DGKB: variants seen among roughly 807,000 people sequenced by gnomAD.
The protein encoded by DGKB is diacylglycerol kinase beta.
DGKB carries 67 observed loss-of-function variants against 114.3 expected under a neutral mutation model. The ratio of observed to expected loss-of-function variants is 0.59; its 90% CI spans 0.48 to 0.72. The LOEUF is 0.72. Ranked by LOEUF, DGKB falls within the 30% of genes least tolerant of loss-of-function variation. DGKB has a pLI of 0.00. For synonymous variants in DGKB, 398 were observed against 323.1 expected (o/e 1.23, Z -2.49); for missense variants, 907 against 975.2 (o/e 0.93, Z 0.93).
chr7:14,895,931 T>C (rs1477168433), intron 1 of DGKB, among the ~76,000 whole-genome samples: 1 of 151,758 alleles, frequency 6.6e-6, no homozygotes, highest in Non-Finnish European at 1.5e-5. Context: ...CTTCCTTATA[T>C]TTTCTGTCTC....
At chr7:14,915,434 G>C (rs1784197743) in intron 1 of DGKB, among the ~76,000 whole-genome samples, 2 of 152,092 alleles carry the variant, frequency 1.3e-5, no homozygotes, top group Admixed American at 6.6e-5. Flanking sequence ...TATAACAGCT[G>C]TCTTCCAAAA....
intron 21 of DGKB, among the ~76,000 whole-genome samples, chr7:14,402,925 C>A (rs1349944976): frequency 1.3e-5 from 2 of 151,910 alleles, no homozygotes; most frequent in Non-Finnish European, 2.9e-5. Flanking sequence ...CTATGCACTG[C>A]AACATCAATT....
chr7:14,808,534 TAAG>T (rs1484217875), intron 2 of DGKB, among the ~76,000 whole-genome samples: 2 of 152,070 alleles, frequency 1.3e-5, no homozygotes, highest in African/African-American at 4.8e-5. Flanking sequence ...AAGGATAGAA[TAAG>T]GACACTGAAC....
chr7:14,437,102 T>C (rs1829393461), intron 21 of DGKB, among the ~76,000 whole-genome samples: 1 of 152,096 alleles, frequency 6.6e-6, no homozygotes, highest in Admixed American at 6.6e-5. Context: ...TAAATTTTAT[T>C]TTTGGAACAC....
intron 3 of DGKB, among the ~76,000 whole-genome samples, chr7:14,756,067 A>G (rs1834823018): frequency 6.6e-6 from 1 of 152,044 alleles, no homozygotes; most frequent in Non-Finnish European, 1.5e-5. Context: ...TTACAGTAAG[A>G]CTAAGTCTTG....
At chr7:14,243,086 G>A (rs563216584) in intron 23 of DGKB, among the ~76,000 whole-genome samples, 92 of 152,042 alleles carry the variant, frequency 6.1e-4, no homozygotes, top group African/African-American at 1.5e-3. Context: ...AAAAGTCTAT[G>A]AGGAAATGCT....
At chr7:14,770,519 A>C (rs1400726154) in intron 2 of DGKB, among the ~76,000 whole-genome samples, 1 of 152,178 alleles carries the variant, frequency 6.6e-6, no homozygotes, top group Admixed American at 6.5e-5. Context: ...GCCTAAATGA[A>C]GAATAGATAG....
intron 23 of DGKB, among the ~76,000 whole-genome samples, chr7:14,213,912 G>T (rs1788541467): frequency 6.6e-6 from 1 of 152,080 alleles, no homozygotes; most frequent in Non-Finnish European, 1.5e-5. Flanking sequence ...AAGAAAAAAG[G>T]TATCTTATTT....
chr7:14,727,395 G>T (rs2128375978), intron 5 of DGKB, among the ~76,000 whole-genome samples: 1 of 152,242 alleles, frequency 6.6e-6, no homozygotes, highest in East Asian at 1.9e-4. Flanking sequence ...CAAGGAAGAG[G>T]TTGGCAGGAT....
At chr7:14,191,792 C>A in intron 23 of DGKB, 1 of 367,302 alleles carries the variant, frequency 2.7e-6, no homozygotes, top group South Asian at 2.4e-5. Flanking sequence ...CTTTCCTACT[C>A]AGGTGACTAT....
intron 23 of DGKB, among the ~76,000 whole-genome samples, chr7:14,196,798 TAAAAAA>T (rs199760144): frequency 2.7e-5 from 4 of 148,832 alleles, no homozygotes; most frequent in African/African-American, 9.8e-5. Context: ...GAGCTTGAAT[TAAAAAA>T]AAAATAAGCC....
chr7:14,867,495 G>A (rs1223245519), intron 1 of DGKB, among the ~76,000 whole-genome samples: 1 of 151,106 alleles, frequency 6.6e-6, no homozygotes, highest in Non-Finnish European at 1.5e-5. Flanking sequence ...ATGTTCATTT[G>A]TTGAAAGACT....
chr7:14,369,012 G>T (rs1438145575), intron 21 of DGKB, among the ~76,000 whole-genome samples: 1 of 152,042 alleles, frequency 6.6e-6, no homozygotes, highest in Non-Finnish European at 1.5e-5. Flanking sequence ...ATGGTGGTTT[G>T]CTGCACTCAT....
chr7:14,399,734 C>T (rs1822796643), intron 21 of DGKB, among the ~76,000 whole-genome samples: 1 of 151,774 alleles, frequency 6.6e-6, no homozygotes, highest in African/African-American at 2.4e-5. Context: ...TCTAGAATGG[C>T]AATGAAAATC....
chr7:14,794,692 G>C (rs185757113), intron 2 of DGKB, among the ~76,000 whole-genome samples: 28 of 152,174 alleles, frequency 1.8e-4, no homozygotes, highest in Non-Finnish European at 2.8e-4. Flanking sequence ...TTGAGCTTTC[G>C]GTCTGGCAGG....
intron 20 of DGKB, among the ~76,000 whole-genome samples, chr7:14,570,269 AT>A (rs1393919724): frequency 6.6e-6 from 1 of 151,894 alleles, no homozygotes; most frequent in Non-Finnish European, 1.5e-5. Context: ...AACATTACGA[AT>A]TTTTGTTGTT....
At chr7:14,386,758 T>C (rs902724297) in intron 21 of DGKB, among the ~76,000 whole-genome samples, 1 of 152,190 alleles carries the variant, frequency 6.6e-6, no homozygotes, top group African/African-American at 2.4e-5. Flanking sequence ...CTCAGGAGGC[T>C]TGGCCTCTTC....
chr7:14,702,461 T>C (rs1383382306), intron 6 of DGKB, among the ~76,000 whole-genome samples: 1 of 152,112 alleles, frequency 6.6e-6, no homozygotes, highest in Non-Finnish European at 1.5e-5. Context: ...TTTGAACTAA[T>C]CAAGTAAGGG....
intron 13 of DGKB, among the ~76,000 whole-genome samples, chr7:14,656,625 T>C (rs1197366955): frequency 6.6e-6 from 1 of 151,430 alleles, no homozygotes; most frequent in Non-Finnish European, 1.5e-5. Context: ...GGGGCTTTTG[T>C]TTGGCTTTTC....
Sources: gnomAD v4.1 joint callset for allele counts (sites outside exome capture counted in the v4.1 genomes callset) on GRCh38, gnomAD v4.1.1 for gene constraint, MANE v1.5 for transcripts, NCBI Gene and HGNC (gene_info 2026-07-23, HGNC 2026-07-21) for gene names.